AATF: variants seen among roughly 807,000 people sequenced by gnomAD.
AATF encodes the protein protein AATF.
AATF carries 48 observed loss-of-function variants against 63.7 expected under a neutral mutation model. That is an observed-to-expected ratio of 0.75 (90% CI 0.60 to 0.96). The LOEUF (loss-of-function observed/expected upper bound fraction) is 0.96, where lower values mean the gene tolerates loss of function less well. AATF is among the 40% of genes least tolerant of loss of function. AATF has a pLI of 0.00. For missense variants in AATF, 639 were observed against 685.7 expected (o/e 0.93, Z 0.76); for synonymous variants, 258 against 247.7 (o/e 1.04, Z -0.39).
At chr17:36,983,103 G>A (rs964240502) in intron 4 of AATF, among the ~76,000 whole-genome samples, 16 of 152,080 alleles carry the variant, frequency 1.1e-4, no homozygotes, top group African/African-American at 3.6e-4. Context: ...GTACAGTGGC[G>A]TGATCACAGC....
intron 2 of AATF, 107 bp downstream of exon 2, chr17:36,950,512 T>C (rs946674296): frequency 1.7e-6 from 2 of 1,172,730 alleles, no homozygotes; most frequent in African/African-American, 3.1e-5. Context: ...GCGGATCTTT[T>C]TTTTGAGACA....
At chr17:37,022,375 A>G (rs2071479527) in intron 10 of AATF, among the ~76,000 whole-genome samples, 1 of 152,156 alleles carries the variant, frequency 6.6e-6, no homozygotes. Context: ...ACTTTAATGA[A>G]CTTGTTTTAG....
At chr17:36,981,638 TTTC>T (rs916768791) in intron 4 of AATF, among the ~76,000 whole-genome samples, 21 of 151,388 alleles carry the variant, frequency 1.4e-4, no homozygotes, top group African/African-American at 3.6e-4. Flanking sequence ...TTCTTTCTTT[TTTC>T]TTCTTCTTCT....
At chr17:36,997,630 T>G (rs557079901) in intron 8 of AATF, among the ~76,000 whole-genome samples, 1 of 152,314 alleles carries the variant, frequency 6.6e-6, no homozygotes, top group African/African-American at 2.4e-5. Context: ...CTGATGGGAA[T>G]GTTAACTAGT....
chr17:37,005,461 C>G (rs909871283), intron 8 of AATF, among the ~76,000 whole-genome samples: 2 of 152,104 alleles, frequency 1.3e-5, no homozygotes, highest in Admixed American at 6.6e-5. Context: ...AGGGAGAATG[C>G]TGGAAATATA....
chr17:37,033,883 A>C (rs1029662609), intron 11 of AATF: 4 of 154,794 alleles, frequency 2.6e-5, no homozygotes, highest in African/African-American at 9.6e-5. Flanking sequence ...TTTTAATCAG[A>C]AAAGTAAAAC....
chr17:36,992,693 A>G (rs1158764176), intron 8 of AATF, among the ~76,000 whole-genome samples: 2 of 150,942 alleles, frequency 1.3e-5, no homozygotes, highest in African/African-American at 4.9e-5. Flanking sequence ...CCCAATTAAT[A>G]ATTTTAACTT....
intron 9 of AATF, among the ~76,000 whole-genome samples, chr17:37,019,288 A>G (rs1287949834): frequency 6.6e-6 from 1 of 152,232 alleles, no homozygotes; most frequent in African/African-American, 2.4e-5. Flanking sequence ...GTTTGTTTTT[A>G]GAGTTTGTTT....
At chr17:36,985,461 T>C (rs2071161092) in intron 4 of AATF, among the ~76,000 whole-genome samples, 1 of 148,790 alleles carries the variant, frequency 6.7e-6, no homozygotes. Context: ...TTTTTTTTTT[T>C]GGTTAGAGCC....
intron 10 of AATF, among the ~76,000 whole-genome samples, chr17:37,023,208 G>T (rs994954483): frequency 1.3e-5 from 2 of 152,142 alleles, no homozygotes; most frequent in Non-Finnish European, 2.9e-5. Flanking sequence ...CTAAGTGGAG[G>T]TAATAATCCC....
At chr17:37,042,126 A>G (rs907772305) in intron 11 of AATF, among the ~76,000 whole-genome samples, 1 of 151,838 alleles carries the variant, frequency 6.6e-6, no homozygotes, top group Non-Finnish European at 1.5e-5. Flanking sequence ...AGATTTCCAT[A>G]TTTTGCTTAC....
At chr17:37,024,696 C>T (rs554242372) in intron 10 of AATF, among the ~76,000 whole-genome samples, 2 of 152,306 alleles carry the variant, frequency 1.3e-5, no homozygotes, top group East Asian at 3.9e-4. Flanking sequence ...CAGTGGCTCA[C>T]ACCTGTAATC....
intron 11 of AATF, 30 bp downstream of exon 11, chr17:37,031,715 A>G: frequency 3.2e-6 from 5 of 1,565,370 alleles, no homozygotes; most frequent in Non-Finnish European, 4.4e-6. Context: ...TGTGTCTCAA[A>G]TGGCTTCATG....
intron 11 of AATF, among the ~76,000 whole-genome samples, chr17:37,038,028 A>G (rs1368614267): frequency 6.6e-6 from 1 of 152,156 alleles, no homozygotes; most frequent in Non-Finnish European, 1.5e-5. Flanking sequence ...TGCCTGGTTC[A>G]TGCTTCCTGT....
chr17:37,000,877 A>G (rs1367620422), intron 8 of AATF, among the ~76,000 whole-genome samples: 1 of 152,178 alleles, frequency 6.6e-6, no homozygotes, highest in South Asian at 2.1e-4. Flanking sequence ...ACTTGAGCCC[A>G]GGAGTTTGAA....
chr17:36,986,391 C>T (rs1315193993), intron 4 of AATF, among the ~76,000 whole-genome samples: 2 of 152,174 alleles, frequency 1.3e-5, no homozygotes, highest in East Asian at 3.8e-4. Flanking sequence ...TTCTAAGCAC[C>T]TTACATGCAT....
intron 8 of AATF, among the ~76,000 whole-genome samples, chr17:36,997,387 A>C (rs529795726): frequency 5.9e-5 from 9 of 152,350 alleles, no homozygotes; most frequent in African/African-American, 2.2e-4. Flanking sequence ...CAGTAAGAAA[A>C]AAACAATCCC....
intron 8 of AATF, among the ~76,000 whole-genome samples, chr17:37,001,496 G>T (rs1354092253): frequency 6.7e-6 from 1 of 149,700 alleles, no homozygotes; most frequent in Non-Finnish European, 1.5e-5. Flanking sequence ...TACACACCAT[G>T]ACCAAGAAGG....
At chr17:37,012,474 AG>A (rs1454626461) in intron 8 of AATF, among the ~76,000 whole-genome samples, 6 of 152,254 alleles carry the variant, frequency 3.9e-5, no homozygotes, top group African/African-American at 7.2e-5. Flanking sequence ...GGGAATTCAC[AG>A]GAAGAGTAAA....
Sources: allele counts gnomAD v4.1 joint callset (sites outside exome capture counted in the v4.1 genomes callset), GRCh38; gene constraint gnomAD v4.1.1; transcripts MANE v1.5; gene names NCBI Gene and HGNC (gene_info 2026-07-23, HGNC 2026-07-21).